Variants in ZNF462 observed in about 807,000 individuals in gnomAD.
ZNF462 encodes the protein zinc finger protein 462, also known as zinc finger PBX1-interacting protein.
Under a neutral mutation model 201.9 loss-of-function variants are expected in ZNF462, and 10 were observed. The ratio of observed to expected loss-of-function variants is 0.05; its 90% CI spans 0.03 to 0.08. The LOEUF (loss-of-function observed/expected upper bound fraction) is 0.08, where lower values mean the gene tolerates loss of function less well. Ranked by LOEUF, ZNF462 falls within the 10% of genes least tolerant of loss-of-function variation. The pLI is 1.00. For missense variants in ZNF462, 2,523 were observed against 3,168.3 expected (o/e 0.80, Z 4.89); for synonymous variants, 1,227 against 1,193.3 (o/e 1.03, Z -0.58).
intron 1 of ZNF462, among the ~76,000 whole-genome samples, chr9:106,889,270 A>G (rs6477548): frequency 0.27 from 41,685 of 151,870 alleles, 7,558 homozygotes; most frequent in African/African-American, 0.52. Context: ...CAGAAATGCT[A>G]CCTCCCCATT....
chr9:106,891,780 C>T (rs900854705), intron 1 of ZNF462, among the ~76,000 whole-genome samples: 5 of 152,090 alleles, frequency 3.3e-5, no homozygotes, highest in Non-Finnish European at 7.4e-5. Context: ...TTTGTTCCCC[C>T]CTCTGGATGG....
At chr9:106,989,894 T>G (rs1828136885) in intron 10 of ZNF462, among the ~76,000 whole-genome samples, 2 of 152,162 alleles carry the variant, frequency 1.3e-5, no homozygotes, top group Admixed American at 1.3e-4. Flanking sequence ...TATCTGCCAT[T>G]TCATTTCTTA....
At chr9:106,965,486 G>A (rs1832032774) in intron 7 of ZNF462, among the ~76,000 whole-genome samples, 1 of 152,038 alleles carries the variant, frequency 6.6e-6, no homozygotes, top group Non-Finnish European at 1.5e-5. Context: ...GCAGGACTGA[G>A]GAGGAAAATG....
Position 106,984,095 on chromosome 9 carries a change from T to G in ZNF462, c.6833-91T>G. The G allele has an allele frequency of 8.2e-7, 1 of 1,212,730 alleles. No individual in the cohort carries two copies. Among genetic ancestry groups the G allele is most frequent in the East Asian group, 2.3e-5 (1 of 42,748 alleles). 75.1% of individuals were successfully genotyped at this position (1,212,730 alleles called of 1,614,324 possible). On this transcript the variant is annotated intron_variant, in intron 9 of 12. Transcript: ENST00000277225. The surrounding 1 kb of genome is among the most constrained non-coding windows in gnomAD (Gnocchi z 6.4). ...ACCAGATCCACGAGGAGCAGCAAGA[T>G]TGGGTGAGTTTCTTCTTGTATTCCA...
intron 1 of ZNF462, among the ~76,000 whole-genome samples, chr9:106,877,769 G>T (rs1276013691): frequency 6.6e-6 from 1 of 152,162 alleles, no homozygotes; most frequent in Non-Finnish European, 1.5e-5. Flanking sequence ...GAAAAACCTT[G>T]TGTTTATTTA....
At chr9:106,879,330 C>CCA (rs1827979269) in intron 1 of ZNF462, among the ~76,000 whole-genome samples, 1 of 57,072 alleles carries the variant, frequency 1.8e-5, no homozygotes, top group African/African-American at 1.0e-4. Context: ...GAGATGCTTT[C>CCA]CACCCCCCCC....
intron 1 of ZNF462, among the ~76,000 whole-genome samples, chr9:106,909,649 C>G (rs1829459878): frequency 6.6e-6 from 1 of 152,168 alleles, no homozygotes; most frequent in Admixed American, 6.5e-5. Context: ...GTATTGTTCT[C>G]TCTTTCTTGA....
rs1228558318 is a variant in ZNF462, at chr9:106,883,153, G to C, written c.-31+19798G>C. ...TTAAAGAAACCCATGGGTCCTGTTAGTCCCAACCTCACTGAAGGACATATT... is the reference window on the plus strand; with the variant it reads ...TTAAAGAAACCCATGGGTCCTGTTACTCCCAACCTCACTGAAGGACATATT... On this transcript the variant is annotated intron_variant, in intron 1 of 12. Transcript: ENST00000277225. The surrounding 1 kb of genome is among the most constrained non-coding windows in gnomAD (Gnocchi z 4.9). Among the ~76,000 whole-genome samples the C allele has an allele frequency of 1.3e-5, 2 of 152,198 alleles. No individual in the cohort carries two copies. The highest frequency in any genetic ancestry group is 2.9e-5 in the Non-Finnish European group (2 of 68,042).
At chr9:106,868,994 G>T (rs1564066521) in intron 1 of ZNF462, among the ~76,000 whole-genome samples, 1 of 150,838 alleles carries the variant, frequency 6.6e-6, no homozygotes, top group South Asian at 2.1e-4. Flanking sequence ...TTAGCTCCCG[G>T]GTTTGTAGCT....
rs1827164958 is a variant in ZNF462 at position 106,978,308 on chromosome 9, A to G, written c.6832+4035A>G. 6.6e-6 allele frequency among the ~76,000 whole-genome samples: 1 copy of G among 151,594 alleles called. No individual in the cohort carries two copies. Among genetic ancestry groups the G allele is most frequent in the Non-Finnish European group, 1.5e-5 (1 of 68,040 alleles). On this transcript the variant is annotated intron_variant, in intron 9 of 12. Transcript: ENST00000277225. This position sits in a 1 kb window ranked among gnomAD's most constrained non-coding sequence, Gnocchi z 4.1. ...AAGCAAGACATGTTTGCAGAATGTTATTAGACATTTCCGGGGTCCTGAAGA... is the reference window on the plus strand; with the variant it reads ...AAGCAAGACATGTTTGCAGAATGTTGTTAGACATTTCCGGGGTCCTGAAGA...
chr9:106,864,531 T>C (rs118017926), intron 1 of ZNF462, among the ~76,000 whole-genome samples: 2,263 of 152,188 alleles, frequency 0.015, 34 homozygotes, highest in Non-Finnish European at 0.024. Flanking sequence ...TTGGTTCCAG[T>C]CCAGACTCCA....
rs1176679056 is a variant in ZNF462 at position 106,981,860 on chromosome 9, C to A, written c.6833-2326C>A. On this transcript the variant is annotated intron_variant, in intron 9 of 12. Transcript: ENST00000277225. This position sits in a 1 kb window ranked among gnomAD's most constrained non-coding sequence, Gnocchi z 4.0. ...GGACATCATTATATGAAAAATGATA[C>A]CGGGCTGTTCTTCTTCACCGTAGAG... Among the ~76,000 whole-genome samples the A allele has an allele frequency of 6.6e-6, 1 of 152,094 alleles. No individual in the cohort carries two copies. Among genetic ancestry groups the A allele is most frequent in the Admixed American group, 6.6e-5 (1 of 15,260 alleles).
intron 7 of ZNF462, among the ~76,000 whole-genome samples, chr9:106,967,088 C>T (rs551814600): frequency 1.3e-5 from 2 of 152,136 alleles, no homozygotes; most frequent in Admixed American, 1.3e-4. Flanking sequence ...CTTAAACTTA[C>T]AATAGCTGAA....
chr9:106,953,396 G>A (rs16925977), intron 7 of ZNF462, among the ~76,000 whole-genome samples: 5,137 of 152,184 alleles, frequency 0.034, 261 homozygotes, highest in African/African-American at 0.11. Flanking sequence ...CTTTCACAAG[G>A]ATCATCAGTG....
At chr9:107,004,413 A>G (rs895851097) in intron 11 of ZNF462, among the ~76,000 whole-genome samples, 1 of 152,146 alleles carries the variant, frequency 6.6e-6, no homozygotes, top group East Asian at 1.9e-4. Flanking sequence ...TTTGGTTTCC[A>G]GTTCTGCTAC....
At chr9:106,989,254 C>A (rs1270818247) in intron 10 of ZNF462, among the ~76,000 whole-genome samples, 2 of 151,962 alleles carry the variant, frequency 1.3e-5, no homozygotes, top group African/African-American at 4.8e-5. Flanking sequence ...TAAAGCAATC[C>A]TGGATATTGT....
At position 106,924,774 on chromosome 9, in the gene ZNF462, G is replaced by C. The variant is rs1424452151; in HGVS notation, c.862G>C (p.Val288Leu). The change falls in exon 3 of 13, where the codon GTG becomes CTG. Residue 288 changes from valine (V) to leucine (L), a missense_variant. This residue lies in a region of ZNF462 where 480 missense variants were observed against 544.4 expected (regional missense o/e 0.88). Coordinates refer to ENST00000277225, the MANE Select transcript of ZNF462 (RefSeq NM_021224.6). This position sits in a 1 kb window ranked among gnomAD's most constrained non-coding sequence, Gnocchi z 6.2. ...QQQEGTNLPD[V>L]PNKSAPSPTS... The stretch of plus-strand genomic sequence containing the variant: ...ACAAGAAGGAACTAATCTACCTGAT[G>C]TGCCGAACAAGAGTGCCCCCAGCCC... The C allele has an allele frequency of 1.2e-6, 2 of 1,614,002 alleles. No homozygotes were observed. Among genetic ancestry groups the C allele is most frequent in the Non-Finnish European group, 1.7e-6 (2 of 1,180,044 alleles).
intron 10 of ZNF462, among the ~76,000 whole-genome samples, chr9:106,998,247 T>C (rs550919023): frequency 1.6e-4 from 24 of 152,278 alleles, no homozygotes; most frequent in African/African-American, 5.5e-4. Context: ...AAACATTAAG[T>C]GGACTTTCTC....
In ZNF462 at chr9:106,872,551, C is replaced by G. The variant is rs1249860522; in HGVS notation, c.-31+9196C>G. Among the ~76,000 whole-genome samples the G allele has an allele frequency of 1.3e-5, 2 of 151,942 alleles. No homozygotes were observed. The highest frequency in any genetic ancestry group is 1.3e-4 in the Admixed American group (2 of 15,240). On this transcript the variant is annotated intron_variant, in intron 1 of 12. Transcript: ENST00000277225. The surrounding 1 kb of genome is among the most constrained non-coding windows in gnomAD (Gnocchi z 4.5). The stretch of plus-strand genomic sequence containing the variant: ...CTAATTTCTTGTATTTTAGTAGAGA[C>G]GGGGTTTCACTGTGTTGTCCAGGCT...
Sources: allele counts gnomAD v4.1 joint callset (sites outside exome capture counted in the v4.1 genomes callset), GRCh38; gene constraint gnomAD v4.1.1; regional missense constraint gnomAD v4.1.1; non-coding constraint Gnocchi (gnomAD v3.1); transcripts MANE v1.5; gene names NCBI Gene and HGNC (gene_info 2026-07-23, HGNC 2026-07-21).